SLC44A5: variants seen among roughly 807,000 people sequenced by gnomAD.
SLC44A5 encodes choline transporter-like protein 5.
In SLC44A5, 57 loss-of-function variants were observed where a neutral mutation model predicts 101.8. That is an observed-to-expected ratio of 0.56 (90% CI 0.45 to 0.70). The LOEUF (loss-of-function observed/expected upper bound fraction) is 0.70, where lower values mean the gene tolerates loss of function less well. SLC44A5 is among the 30% of genes least tolerant of loss of function. The probability of loss-of-function intolerance (pLI) is 0.00; values close to 1 mark genes in which losing one functional copy is unlikely to be tolerated. For missense variants in SLC44A5, 737 were observed against 853.1 expected, an observed-to-expected ratio of 0.86 and a Z score of 1.70; for synonymous variants, 281 against 290.9, an observed-to-expected ratio of 0.97 and a Z score of 0.35.
At chr1:75,631,539 ATTTTT>A in the SLC44A5 span, among the ~76,000 whole-genome samples, 2 of 80,850 alleles carry the variant, frequency 2.5e-5, no homozygotes, top group African/African-American at 5.2e-5. Context: ...CACCTGGCTA[ATTTTT>A]TTTTTTTTTT....
In SLC44A5 at chr1:75,609,418, A is replaced by G. The variant is rs191752925; in HGVS notation, c.-70+1622T>C. On this transcript the variant is annotated intron_variant, in intron 1 of 23. Transcript: ENST00000370859. ...CTAAATCAAGCTATTTAACATATTC[A>G]TTACCTTACATTCTTATTTTTGATG... Among the ~76,000 whole-genome samples the G allele has an allele frequency of 2.0e-5, 3 of 152,194 alleles. No individual in the cohort carries two copies. In the East Asian group the frequency reaches 5.8e-4, roughly 29 times the overall value.
intron 18 of SLC44A5, among the ~76,000 whole-genome samples, chr1:75,217,619 C>A (rs1033569268): frequency 2.6e-5 from 4 of 152,040 alleles, no homozygotes; most frequent in Admixed American, 2.0e-4. Flanking sequence ...AAATTTGTTT[C>A]TTCTGGCTTC....
At chr1:75,554,660 C>T (rs996469210) in intron 1 of SLC44A5, among the ~76,000 whole-genome samples, 3 of 151,734 alleles carry the variant, frequency 2.0e-5, no homozygotes, top group African/African-American at 4.8e-5. Flanking sequence ...GTAAACAGAG[C>T]CCAAAACATA....
At chr1:75,393,657 T>C (rs1414661659) in intron 3 of SLC44A5, among the ~76,000 whole-genome samples, 1 of 152,210 alleles carries the variant, frequency 6.6e-6, no homozygotes, top group Non-Finnish European at 1.5e-5. Context: ...AGAATTGTGC[T>C]TTGAGCATTT....
chr1:75,681,339 A>T, the SLC44A5 span, among the ~76,000 whole-genome samples: 1 of 152,308 alleles, frequency 6.6e-6, no homozygotes, highest in African/African-American at 2.4e-5. Flanking sequence ...CTTGATGAAC[A>T]TTGATGCACA....
At chr1:75,621,464 A>G in the SLC44A5 span, among the ~76,000 whole-genome samples, 1 of 152,184 alleles carries the variant, frequency 6.6e-6, no homozygotes, top group Non-Finnish European at 1.5e-5. Context: ...GACAAAAATG[A>G]AAATGTAATT....
At chr1:75,444,920 GGA>G (rs1665461726) in intron 2 of SLC44A5, among the ~76,000 whole-genome samples, 1 of 152,130 alleles carries the variant, frequency 6.6e-6, no homozygotes, top group Non-Finnish European at 1.5e-5. Flanking sequence ...GTTAGGTAGA[GGA>G]GAGAATGATG....
chr1:75,254,697 G>T (rs1230837881), intron 6 of SLC44A5, among the ~76,000 whole-genome samples: 1 of 152,074 alleles, frequency 6.6e-6, no homozygotes, highest in Non-Finnish European at 1.5e-5. Context: ...GCACATACAG[G>T]GGTACAGGGA....
At chr1:75,383,629 T>C (rs1661071950) in intron 3 of SLC44A5, among the ~76,000 whole-genome samples, 1 of 152,174 alleles carries the variant, frequency 6.6e-6, no homozygotes, top group Admixed American at 6.5e-5. Flanking sequence ...TGGAAAATAC[T>C]CTGCAGGATA....
At chr1:75,283,921 G>T (rs1652827322) in intron 5 of SLC44A5, among the ~76,000 whole-genome samples, 2 of 151,752 alleles carry the variant, frequency 1.3e-5, no homozygotes, top group African/African-American at 4.8e-5. Context: ...GTTTGAAGTT[G>T]GGTGATGTGA....
intron 4 of SLC44A5, among the ~76,000 whole-genome samples, chr1:75,328,993 G>C (rs1224855427): frequency 1.3e-5 from 2 of 152,182 alleles, no homozygotes; most frequent in Non-Finnish European, 2.9e-5. Flanking sequence ...AGGGTGTGAG[G>C]AGAAAGAGGA....
chr1:75,468,122 T>C (rs1046518536), intron 2 of SLC44A5, among the ~76,000 whole-genome samples: 28 of 152,036 alleles, frequency 1.8e-4, no homozygotes, highest in Non-Finnish European at 1.3e-4. Context: ...CAATAAGATA[T>C]CATCTCATCC....
intron 1 of SLC44A5, among the ~76,000 whole-genome samples, chr1:75,542,567 C>T (rs1264258142): frequency 1.3e-5 from 2 of 152,018 alleles, no homozygotes; most frequent in Non-Finnish European, 2.9e-5. Flanking sequence ...GGTAGTCTCT[C>T]ATTTTAAATT....
intron 2 of SLC44A5, among the ~76,000 whole-genome samples, chr1:75,508,273 A>AG (rs1669380647): frequency 6.6e-6 from 1 of 152,210 alleles, no homozygotes; most frequent in East Asian, 1.9e-4. Context: ...AATAAAATTA[A>AG]GGCAGAAACA....
At chr1:75,391,026 A>G (rs1297916918) in intron 3 of SLC44A5, among the ~76,000 whole-genome samples, 1 of 152,184 alleles carries the variant, frequency 6.6e-6, no homozygotes, top group Non-Finnish European at 1.5e-5. Flanking sequence ...GTAAAAATCT[A>G]GTAGCATTTC....
chr1:75,387,238 C>T (rs12067908), intron 3 of SLC44A5, among the ~76,000 whole-genome samples: 37,744 of 151,416 alleles, frequency 0.25, 4,949 homozygotes, highest in African/African-American at 0.33. Flanking sequence ...AGTGCTTCTG[C>T]GCAGCAAAAG....
chr1:75,647,838 T>A, the SLC44A5 span, among the ~76,000 whole-genome samples: 1 of 152,200 alleles, frequency 6.6e-6, no homozygotes. Flanking sequence ...AGTAACTAAC[T>A]CGCTTTTGAT....
intron 1 of SLC44A5, among the ~76,000 whole-genome samples, chr1:75,577,207 G>A (rs1019722411): frequency 6.6e-6 from 1 of 152,098 alleles, no homozygotes; most frequent in South Asian, 2.1e-4. Context: ...CATCCTACTT[G>A]ACCTCCTCTT....
intron 2 of SLC44A5, among the ~76,000 whole-genome samples, chr1:75,479,828 AG>A (rs1557830861): frequency 6.6e-6 from 1 of 152,238 alleles, no homozygotes; most frequent in Non-Finnish European, 1.5e-5. Context: ...AGGTACAAGG[AG>A]GAACTGGTAT....
Sources: gnomAD v4.1 joint callset for allele counts (sites outside exome capture counted in the v4.1 genomes callset) on GRCh38, gnomAD v4.1.1 for gene constraint, MANE v1.5 for transcripts, NCBI Gene and HGNC (gene_info 2026-07-23, HGNC 2026-07-21) for gene names.